The following TRMT10B variants were observed in gnomAD, a reference collection of about 807,000 sequenced individuals.
TRMT10B encodes tRNA methyltransferase 10 homolog B.
Under a neutral mutation model 43.8 loss-of-function variants are expected in TRMT10B, and 33 were observed. That is an observed-to-expected ratio of 0.75 (90% CI 0.57 to 1.01). The LOEUF (loss-of-function observed/expected upper bound fraction) is 1.01, where lower values mean the gene tolerates loss of function less well. Among genes scored for constraint, TRMT10B ranks in the 50% least tolerant of loss-of-function variants. TRMT10B has a pLI of 0.00. For synonymous variants in TRMT10B, 137 were observed against 130.6 expected (o/e 1.05, Z -0.34); for missense variants, 362 against 369.8 (o/e 0.98, Z 0.17).
chr9:37,774,795 A>G (rs573243176), intron 7 of TRMT10B, among the ~76,000 whole-genome samples: 1 of 152,340 alleles, frequency 6.6e-6, no homozygotes, highest in South Asian at 2.1e-4. Context: ...ACTTCACACT[A>G]TTCCACCTGG....
At chr9:37,761,763 C>G in intron 1 of TRMT10B, 140 bp from the exon 2 acceptor site, 1 of 593,508 alleles carries the variant, frequency 1.7e-6, no homozygotes, top group Middle Eastern at 4.5e-4. Flanking sequence ...AAGACACATG[C>G]TTTTCTCAGT....
upstream of TRMT10B, among the ~76,000 whole-genome samples, chr9:37,753,606 C>T (rs984777633): frequency 3.6e-4 from 55 of 152,176 alleles, no homozygotes; most frequent in Admixed American, 1.2e-3. Context: ...AATAGCTGTC[C>T]AGCAGACGGG....
chr9:37,774,422 A>G (rs1309003465), intron 7 of TRMT10B, among the ~76,000 whole-genome samples: 1 of 152,218 alleles, frequency 6.6e-6, no homozygotes, highest in African/African-American at 2.4e-5. Context: ...TAACTGGAAG[A>G]TTTGTGAGAT....
chr9:37,770,827 G>T lies in TRMT10B; in HGVS notation c.720+88G>T, dbSNP rs546339926. The stretch of plus-strand genomic sequence containing the variant: ...TGCCCTGTTATAGTCTCCTCTAGAG[G>T]GTCTAAGAACTCAGAGGGAACAGGA... On this transcript the variant is annotated intron_variant, in intron 7 of 8. Transcript: ENST00000297994. The T allele has an allele frequency of 8.0e-6, 11 of 1,380,946 alleles. No individual in the cohort carries two copies. The South Asian group carries it at 1.2e-4, about 15-fold the overall frequency. 85.5% of individuals were successfully genotyped at this position (1,380,946 alleles called of 1,614,324 possible).
At position 37,767,985 on chromosome 9, in the gene TRMT10B, C is replaced by T. The variant is rs1333166337; in HGVS notation, c.421-91C>T. 7.6e-6 allele frequency: 11 copies of T among 1,447,144 alleles called. 1 individual carries two copies. The highest frequency in any genetic ancestry group is 5.0e-5 in the South Asian group (4 of 80,440). 89.6% of individuals were successfully genotyped at this position (1,447,144 alleles called of 1,614,324 possible). A position where few individuals can be genotyped will look rare whatever the true frequency, so the allele number is the denominator to read the frequency against. ...TAGTACATGGGGTTTTCTGGAGTAG[C>T]GTTCAGTGAACTTATTGTAGCCATT... On this transcript the variant is annotated intron_variant, in intron 4 of 8. Coordinates refer to ENST00000297994, the MANE Select transcript of TRMT10B (RefSeq NM_144964.4).
chr9:37,763,161 A>AC lies in TRMT10B; in HGVS notation c.296-468_296-467insC, dbSNP rs1554676680. Among the ~76,000 whole-genome samples the AC allele has an allele frequency of 4.4e-3, 620 of 139,470 alleles. 10 individuals carry two copies. Among genetic ancestry groups the AC allele is most frequent in the African/African-American group, 0.011 (428 of 38,972 alleles). 91.5% of individuals were successfully genotyped at this position (139,470 alleles called of 152,430 possible). ...TCTGTCTCAAAAAAAAAAAAAAAAA[A>AC]AAAACAAAAAAAAAAATTTAAGGCT... On this transcript the variant is annotated intron_variant, in intron 3 of 8. Transcript: ENST00000297994.
rs1299287186 is a variant in TRMT10B, at chr9:37,770,659, A to G, written c.653-13A>G. 2 of 1,611,806 alleles carry G rather than the reference A, an allele frequency of 1.2e-6. No individual in the cohort carries two copies. Among genetic ancestry groups the G allele is most frequent in the South Asian group, 1.1e-5 (1 of 90,658 alleles). On this transcript the variant is annotated splice_polypyrimidine_tract_variant and intron_variant, in intron 6 of 8. Coordinates refer to ENST00000297994, the MANE Select transcript of TRMT10B (RefSeq NM_144964.4). Reference sequence around the variant, plus strand: ...AACAGATTTGATCTCATTGGCCTTCATTTTTTCATTAGCTCTTGAAGATGT... The same window carrying G: ...AACAGATTTGATCTCATTGGCCTTCGTTTTTTCATTAGCTCTTGAAGATGT...
At chr9:37,771,876 GTTTTTT>G (rs74171525) in intron 7 of TRMT10B, among the ~76,000 whole-genome samples, 13 of 149,016 alleles carry the variant, frequency 8.7e-5, no homozygotes, top group Non-Finnish European at 1.6e-4. Context: ...GACAGAAAAT[GTTTTTT>G]TTTTTTCTTT....
At chr9:37,773,778 G>GA (rs943251224) in intron 7 of TRMT10B, among the ~76,000 whole-genome samples, 6 of 152,038 alleles carry the variant, frequency 3.9e-5, no homozygotes, top group Admixed American at 3.3e-4. Flanking sequence ...AGGTTGCAGT[G>GA]AGCCGAAATC....
rs1317734099 is a variant in TRMT10B, at chr9:37,773,974, AC to A, written c.721-2307del. Among the ~76,000 whole-genome samples, 223 of 144,680 alleles carry A rather than the reference AC, an allele frequency of 1.5e-3. 2 individuals carry two copies. Among genetic ancestry groups the A allele is most frequent in the African/African-American group, 6.0e-3 (214 of 35,930 alleles). The allele number at this position is 144,680 out of a possible 152,430, so 94.9% of individuals were successfully genotyped here. ...CTGTCTCTAAAAAAAAAAAAAAAAA[AC>A]AACAATAATAATAATTAAAAGTTTA... On this transcript the variant is annotated intron_variant, in intron 7 of 8. Coordinates refer to ENST00000297994, the MANE Select transcript of TRMT10B (RefSeq NM_144964.4).
At position 37,770,007 on chromosome 9, in the gene TRMT10B, G is replaced by C; in HGVS notation, c.640G>C (p.Asp214His). 1 of 1,613,498 alleles carries C rather than the reference G, an allele frequency of 6.2e-7. No homozygotes were observed. The highest frequency in any genetic ancestry group is 8.5e-7 in the Non-Finnish European group (1 of 1,179,456). The change falls in exon 6 of 9, where the codon GAC (aspartate) becomes CAC (histidine). Residue 214 changes from aspartate to histidine, a missense_variant. Coordinates refer to ENST00000297994, the MANE Select transcript of TRMT10B (RefSeq NM_144964.4). ...GGAAACCCTTGTGTACCTGACTCCT[G>C]ACTCAGAACACGGTATGTAGTTGAA... ...PLETLVYLTP[D>H]SEHALEDVDL...
chr9:37,754,528 GTGA>G (rs1416617069), intron 1 of TRMT10B, among the ~76,000 whole-genome samples: 1 of 152,138 alleles, frequency 6.6e-6, no homozygotes, highest in African/African-American at 2.4e-5. Flanking sequence ...CAGAAGAGTG[GTGA>G]TCATCAAATA....
At chr9:37,777,078 C>T (rs1828236482) in intron 8 of TRMT10B, among the ~76,000 whole-genome samples, 1 of 149,404 alleles carries the variant, frequency 6.7e-6, no homozygotes, top group African/African-American at 2.5e-5. Context: ...CCTGTAATCC[C>T]AGCTAATCTG....
intron 4 of TRMT10B, among the ~76,000 whole-genome samples, chr9:37,766,464 C>T (rs1218367841): frequency 6.6e-6 from 1 of 152,162 alleles, no homozygotes; most frequent in Non-Finnish European, 1.5e-5. Context: ...CAGTACCATG[C>T]TGTTTTGGTT....
At chr9:37,754,227 C>CT (rs1825340829) in intron 1 of TRMT10B, among the ~76,000 whole-genome samples, 3 of 152,200 alleles carry the variant, frequency 2.0e-5, no homozygotes, top group Admixed American at 1.3e-4. Flanking sequence ...GCAAACAACA[C>CT]TTGCCTACAT....
At chr9:37,754,190 C>T (rs1457593000) in intron 1 of TRMT10B, among the ~76,000 whole-genome samples, 1 of 152,190 alleles carries the variant, frequency 6.6e-6, no homozygotes, top group African/African-American at 2.4e-5. Context: ...TTTATGAACT[C>T]AGCAAGTATT....
In TRMT10B at chr9:37,776,313, CTG is replaced by C. The variant is rs746566721; in HGVS notation, c.754_755del (p.Val252GlnfsTer32). On this transcript the variant is annotated frameshift_variant, in exon 8 of 9. Transcript: ENST00000297994. LOFTEE classifies it high-confidence loss of function. ...ACATTTCAAAAGGCCCGGGAATACT[CTG>C]TCAAGACCGCACGCTTGCCAATCCA... is the stretch of plus-strand genomic sequence containing the variant. 9 of 1,602,304 alleles carry C rather than the reference CTG, an allele frequency of 5.6e-6. No individual in the cohort carries two copies. The Admixed American group carries it at 1.4e-4, about 25-fold the overall frequency.
chr9:37,755,676 T>C (rs1825581536), intron 1 of TRMT10B, among the ~76,000 whole-genome samples: 1 of 152,216 alleles, frequency 6.6e-6, no homozygotes, highest in Non-Finnish European at 1.5e-5. Flanking sequence ...TGGTTGGAGT[T>C]GTTTTTATTT....
At chr9:37,774,683 C>T (rs775473708) in intron 7 of TRMT10B, among the ~76,000 whole-genome samples, 6 of 152,102 alleles carry the variant, frequency 3.9e-5, no homozygotes, top group Admixed American at 6.5e-5. Flanking sequence ...GAGTTTTATC[C>T]TTTCAAATAA....
Sources: allele counts gnomAD v4.1 joint callset (sites outside exome capture counted in the v4.1 genomes callset), GRCh38; gene constraint gnomAD v4.1.1; transcripts MANE v1.5; gene names NCBI Gene and HGNC (gene_info 2026-07-23, HGNC 2026-07-21).